SYNJ1: variants seen among roughly 807,000 people sequenced by gnomAD.
SYNJ1 encodes synaptojanin 1, also known as polyphosphatidylinositol phosphatase SYNJ1.
Under a neutral mutation model 168.2 loss-of-function variants are expected in SYNJ1, and 78 were observed. That is an observed-to-expected ratio of 0.46 (90% confidence interval 0.39 to 0.56). The LOEUF is 0.56. SYNJ1 is among the 20% of genes least tolerant of loss of function. The pLI, the probability that SYNJ1 is intolerant of heterozygous loss-of-function variation, is 0.00. For missense variants in SYNJ1, 1,303 were observed against 1,597.6 expected (o/e 0.82, Z 3.14); for synonymous variants, 539 against 548.6 (o/e 0.98, Z 0.24).
chr21:32,673,431 C>T lies in SYNJ1; in HGVS notation c.1635G>A (p.Gly545=). The change falls in exon 14 of 33, where the codon GGG becomes GGA. Residue 545 remains glycine (G), a synonymous_variant. Transcript: ENST00000674351. ...VCVGTWNVNG[G]KQFRSIAFKN... Reference sequence around the variant, plus strand: ...TAAAAGCTATGCTGCGAAATTGCTTCCCACCATTCACATTCCAGGTTCCGA... The same window carrying T: ...TAAAAGCTATGCTGCGAAATTGCTTTCCACCATTCACATTCCAGGTTCCGA... The T allele has an allele frequency of 6.2e-7, 1 of 1,613,786 alleles. No homozygotes were observed. Among genetic ancestry groups the T allele is most frequent in the Non-Finnish European group, 8.5e-7 (1 of 1,179,876 alleles).
In SYNJ1 at chr21:32,673,422, A is replaced by T; in HGVS notation, c.1644T>A (p.Phe548Leu). The change falls in exon 14 of 33, where the codon TTT (phenylalanine) becomes TTA (leucine). Residue 548 changes from phenylalanine (F) to leucine (L), a missense_variant. Transcript: ENST00000674351. The part of the protein sequence containing the change: ...GTWNVNGGKQ[F>L]RSIAFKNQTL... ...TCTGATTCTTAAAAGCTATGCTGCG[A>T]AATTGCTTCCCACCATTCACATTCC... 1 of 1,614,054 alleles carries T rather than the reference A, an allele frequency of 6.2e-7. No homozygotes were observed. The highest frequency in any genetic ancestry group is 8.5e-7 in the Non-Finnish European group (1 of 1,179,964).
chr21:32,721,889 A>G (rs1332982929), intron 2 of SYNJ1, among the ~76,000 whole-genome samples: 1 of 152,136 alleles, frequency 6.6e-6, no homozygotes, highest in Non-Finnish European at 1.5e-5. Flanking sequence ...ACAATTCTCA[A>G]AAACATAGGA....
chr21:32,637,093 C>T lies in SYNJ1; in HGVS notation c.3915+1815G>A, dbSNP rs73194270. Among the ~76,000 whole-genome samples, 541 of 152,242 alleles carry T rather than the reference C, an allele frequency of 3.6e-3. 4 individuals are homozygous for T. The highest frequency in any genetic ancestry group is 5.9e-3 in the Non-Finnish European group (398 of 68,016). On this transcript the variant is annotated intron_variant, in intron 31 of 32. Transcript: ENST00000674351. ...CTACAATCTCAGCTAACAGTTTGCA[C>T]CTCCGGAAGTTTTTCAGAGTACTTT...
chr21:32,631,779 T>A lies in SYNJ1; in HGVS notation c.*26A>T. The A allele has an allele frequency of 6.2e-7, 1 of 1,611,276 alleles. No individual in the cohort carries two copies. Among genetic ancestry groups the A allele is most frequent in the African/African-American group, 1.3e-5 (1 of 74,914 alleles). ...CTTTAATGGTGATTCTCTTTTGCCA[T>A]CAGAGATTCCATTTGTTTTTACCTG... On this transcript the variant is annotated 3_prime_UTR_variant, in exon 33 of 33. Transcript: ENST00000674351.
intron 31 of SYNJ1, among the ~76,000 whole-genome samples, chr21:32,637,553 C>T (rs532965931): frequency 1.3e-4 from 20 of 151,768 alleles, no homozygotes; most frequent in Non-Finnish European, 2.5e-4. Flanking sequence ...GGACTACAGG[C>T]GCACACCACC....
intron 9 of SYNJ1, 138 bp downstream of exon 9, chr21:32,685,610 A>G: frequency 1.9e-6 from 1 of 533,274 alleles, no homozygotes; most frequent in Non-Finnish European, 2.5e-6. Context: ...AAATAATAAA[A>G]ATAAAAATAA....
rs576293549 is a variant in SYNJ1, at chr21:32,632,227, T to C, written c.*4-426A>G. Among the ~76,000 whole-genome samples, 6 of 152,338 alleles carry C rather than the reference T, an allele frequency of 3.9e-5. No homozygotes were observed. The South Asian group carries it at 1.0e-3, about 26-fold the overall frequency. ...CATCTATGATGATGATGTGGTTTCA[T>C]TGTTCTTTTAAGTGTGTTTTCTAAA... On this transcript the variant is annotated intron_variant, in intron 32 of 32. Transcript: ENST00000674351.
chr21:32,643,276 G>C (rs560079071), intron 27 of SYNJ1, 134 bp downstream of exon 27: 1 of 842,598 alleles, frequency 1.2e-6, no homozygotes, highest in Non-Finnish European at 1.9e-6. Context: ...TACATAAGGA[G>C]GGGAAAGAGA....
chr21:32,642,156 A>G lies in SYNJ1; in HGVS notation c.3479-23T>C. 3.1e-6 allele frequency: 5 copies of G among 1,613,760 alleles called. No homozygotes were observed. The South Asian group carries it at 4.4e-5, about 14-fold the overall frequency. On this transcript the variant is annotated intron_variant, in intron 27 of 32. Coordinates refer to ENST00000674351, the MANE Select transcript of SYNJ1 (RefSeq NM_203446.3). ...GTGCTTTGAAGCAAGAAGGGAAAAA[A>G]AAATTAGTTGTAAGTTAACAATTAA... is the stretch of plus-strand genomic sequence containing the variant.
chr21:32,681,948 A>T (rs927851118), intron 10 of SYNJ1, among the ~76,000 whole-genome samples: 14 of 152,162 alleles, frequency 9.2e-5, no homozygotes, highest in African/African-American at 2.9e-4. Flanking sequence ...ACCTAAAAGA[A>T]TTCATCAATC....
In SYNJ1 at chr21:32,666,150, A is replaced by T; in HGVS notation, c.1953-15T>A. The T allele has an allele frequency of 1.9e-6, 3 of 1,577,898 alleles. No individual in the cohort carries two copies. Among genetic ancestry groups the T allele is most frequent in the Non-Finnish European group, 2.6e-6 (3 of 1,163,282 alleles). On this transcript the variant is annotated splice_polypyrimidine_tract_variant and intron_variant, in intron 16 of 32. Coordinates refer to ENST00000674351, the MANE Select transcript of SYNJ1 (RefSeq NM_203446.3). The stretch of plus-strand genomic sequence containing the variant: ...CTGCAACATCCCTTTGAAACAAAGA[A>T]TTCTAAATCGCAGATTTGAAATTTC...
chr21:32,639,511 C>T (rs2039733254), intron 30 of SYNJ1, among the ~76,000 whole-genome samples, 160 bp downstream of exon 30: 1 of 152,144 alleles, frequency 6.6e-6, no homozygotes, highest in Non-Finnish European at 1.5e-5. Flanking sequence ...CCCACCTTAG[C>T]CGCCCGAGTA....
At position 32,630,842 on chromosome 21, in the gene SYNJ1, CAT is replaced by C. The variant is rs2039289287; in HGVS notation, c.*961_*962del. 4 of 713,228 alleles carry C rather than the reference CAT, an allele frequency of 5.6e-6. No individual in the cohort carries two copies. The highest frequency in any genetic ancestry group is 8.8e-6 in the Non-Finnish European group (4 of 453,592). 44.2% of individuals were successfully genotyped at this position (713,228 alleles called of 1,614,324 possible). A position where few individuals can be genotyped will look rare whatever the true frequency, so the allele number is the denominator to read the frequency against. On this transcript the variant is annotated 3_prime_UTR_variant, in exon 33 of 33. Transcript: ENST00000674351. ...GGTTTTTCCTTATTTCCAATATACA[CAT>C]AGTCCAACTCTGTACACATCAAATA...
chr21:32,656,772 A>G lies in SYNJ1; in HGVS notation c.2710T>C (p.Leu904=). 1 of 1,614,148 alleles carries G rather than the reference A, an allele frequency of 6.2e-7. No homozygotes were observed. Among genetic ancestry groups the G allele is most frequent in the South Asian group, 1.1e-5 (1 of 91,078 alleles). The change falls in exon 21 of 33, where the codon TTA becomes CTA. Residue 904 remains leucine, a synonymous_variant. Transcript: ENST00000674351. ...TCATCAAAAAAATTATTTTCTGGTAAAGAACTTTTGATTGAGACCAATACT... is the reference window on the plus strand; with the variant it reads ...TCATCAAAAAAATTATTTTCTGGTAGAGAACTTTTGATTGAGACCAATACT... ...GTVLVSIKSS[L]PENNFFDDAL...
chr21:32,709,978 C>T (rs1293030814), intron 2 of SYNJ1, among the ~76,000 whole-genome samples: 3 of 151,868 alleles, frequency 2.0e-5, no homozygotes, highest in East Asian at 2.0e-4. Context: ...GTGGGAGGAT[C>T]ACTTGAAGTC....
intron 32 of SYNJ1, among the ~76,000 whole-genome samples, chr21:32,633,789 T>C (rs372782766): frequency 4.6e-4 from 70 of 152,334 alleles, no homozygotes; most frequent in Middle Eastern, 3.4e-3. Context: ...TATTCAACTA[T>C]CCTAGAATAT....
intron 18 of SYNJ1, among the ~76,000 whole-genome samples, chr21:32,660,662 C>A (rs1392574280): frequency 6.6e-6 from 1 of 152,266 alleles, no homozygotes; most frequent in Non-Finnish European, 1.5e-5. Context: ...CAGGGCACTT[C>A]AGCCCAGAAG....
At position 32,687,087 on chromosome 21, in the gene SYNJ1, G is replaced by C. The variant is rs2041860918; in HGVS notation, c.852-13C>G. On this transcript the variant is annotated splice_polypyrimidine_tract_variant and intron_variant, in intron 7 of 32. Coordinates refer to ENST00000674351, the MANE Select transcript of SYNJ1 (RefSeq NM_203446.3). ...TGTTCTAAAATGCCTATTTAAGAAA[G>C]AAAGGAAATAAATACATGTCAAATA... 7 of 1,371,286 alleles carry C rather than the reference G, an allele frequency of 5.1e-6. No individual in the cohort carries two copies. The highest frequency in any genetic ancestry group is 5.9e-6 in the Non-Finnish European group (6 of 1,017,896). 84.9% of individuals were successfully genotyped at this position (1,371,286 alleles called of 1,614,324 possible). A position where few individuals can be genotyped will look rare whatever the true frequency, so the allele number is the denominator to read the frequency against.
At chr21:32,676,247 T>G (rs2041403822) in intron 13 of SYNJ1, 85 bp downstream of exon 13, 2 of 1,085,336 alleles carry the variant, frequency 1.8e-6, no homozygotes, top group Non-Finnish European at 2.6e-6. Flanking sequence ...TTTCCAATTA[T>G]ATGGCTTTAT....
Sources: gnomAD v4.1 joint callset for allele counts (sites outside exome capture counted in the v4.1 genomes callset) on GRCh38, gnomAD v4.1.1 for gene constraint, MANE v1.5 for transcripts, NCBI Gene and HGNC (gene_info 2026-07-23, HGNC 2026-07-21) for gene names.